FBXL7: variants seen among roughly 807,000 people sequenced by gnomAD.
FBXL7 encodes the protein F-box and leucine rich repeat protein 7.
A neutral mutation model predicts 38.3 loss-of-function variants in FBXL7; 12 were observed. The ratio of observed to expected loss-of-function variants is 0.31; its 90% CI spans 0.20 to 0.51. The LOEUF (loss-of-function observed/expected upper bound fraction) is 0.51. Among genes scored for constraint, FBXL7 ranks in the 20% least tolerant of loss-of-function variants. The probability of loss-of-function intolerance (pLI) is 0.98; values close to 1 mark genes in which losing one functional copy is unlikely to be tolerated. For missense variants in FBXL7, 567 were observed against 676.4 expected (o/e 0.84, Z 1.79); for synonymous variants, 297 against 300.9 (o/e 0.99, Z 0.13).
intron 2 of FBXL7, among the ~76,000 whole-genome samples, chr5:15,818,904 CCTAAATA>C (rs1738095015): frequency 1.3e-5 from 2 of 152,070 alleles, no homozygotes; most frequent in South Asian, 4.1e-4. Flanking sequence ...CCAATGGCCT[CCTAAATA>C]CTAAACTCCA....
chr5:15,542,197 TA>T (rs1236264946), intron 1 of FBXL7, among the ~76,000 whole-genome samples: 8 of 152,262 alleles, frequency 5.3e-5, no homozygotes, highest in Admixed American at 3.9e-4. Flanking sequence ...GTTTTTTTTT[TA>T]AATACCAATT....
chr5:15,820,968 G>T (rs1196768322), intron 2 of FBXL7, among the ~76,000 whole-genome samples: 1 of 152,130 alleles, frequency 6.6e-6, no homozygotes, highest in Admixed American at 6.6e-5. Context: ...GCAAATCCCA[G>T]TGTCATGGTC....
chr5:15,840,398 C>G (rs1738713422), intron 2 of FBXL7, among the ~76,000 whole-genome samples: 1 of 152,136 alleles, frequency 6.6e-6, no homozygotes, highest in African/African-American at 2.4e-5. Flanking sequence ...CTTAGCTTTA[C>G]TCTTTCATAT....
rs143700039 is a variant in FBXL7 at position 15,864,317 on chromosome 5, C to G, written c.128-63573C>G. 7.9e-3 allele frequency among the ~76,000 whole-genome samples: 1,203 copies of G among 152,238 alleles called. 7 individuals are homozygous for G. Among genetic ancestry groups the G allele is most frequent in the Non-Finnish European group, 0.014 (936 of 68,010 alleles). ...TGGACTAAGACACCATTTCTAGAAG[C>G]CCTGTCACTGATATTCTAGAGTTGT... is the stretch of plus-strand genomic sequence containing the variant. On this transcript the variant is annotated intron_variant, in intron 2 of 3. Coordinates refer to ENST00000504595, the MANE Select transcript of FBXL7 (RefSeq NM_012304.5).
At chr5:15,848,950 G>C (rs1006750852) in intron 2 of FBXL7, among the ~76,000 whole-genome samples, 1 of 152,126 alleles carries the variant, frequency 6.6e-6, no homozygotes, top group Admixed American at 6.5e-5. Flanking sequence ...CTGGATTATT[G>C]TCTCTTTTGG....
chr5:15,650,211 A>G (rs1366025801), intron 2 of FBXL7, among the ~76,000 whole-genome samples: 3 of 152,220 alleles, frequency 2.0e-5, no homozygotes, highest in Non-Finnish European at 4.4e-5. Context: ...TTGGTTCCAG[A>G]CCACCACAAT....
At chr5:15,580,524 A>T in intron 1 of FBXL7, 1 of 609,856 alleles carries the variant, frequency 1.6e-6, no homozygotes, top group Non-Finnish European at 2.1e-6. Context: ...ACAGAGTTTT[A>T]GTCTCTGTTC....
chr5:15,915,904 C>T lies in FBXL7; in HGVS notation c.128-11986C>T, dbSNP rs551995680. Among the ~76,000 whole-genome samples, 24 of 152,192 alleles carry T rather than the reference C, an allele frequency of 1.6e-4. No individual in the cohort carries two copies. The South Asian group carries it at 4.8e-3, about 30-fold the overall frequency. Reference sequence around the variant, plus strand: ...AGAGAAGGGAAACAGACGTGAAATCCATAGCCAGTCAAAGTGAGGGACTTG... The same window carrying T: ...AGAGAAGGGAAACAGACGTGAAATCTATAGCCAGTCAAAGTGAGGGACTTG... On this transcript the variant is annotated intron_variant, in intron 2 of 3. Coordinates refer to ENST00000504595, the MANE Select transcript of FBXL7 (RefSeq NM_012304.5).
At chr5:15,553,012 G>T (rs1307228558) in intron 1 of FBXL7, among the ~76,000 whole-genome samples, 1 of 151,882 alleles carries the variant, frequency 6.6e-6, no homozygotes, top group Non-Finnish European at 1.5e-5. Flanking sequence ...AACCCTGGAG[G>T]TGGAGGTTGC....
At chr5:15,591,688 G>A (rs992040700) in intron 1 of FBXL7, among the ~76,000 whole-genome samples, 1 of 151,794 alleles carries the variant, frequency 6.6e-6, no homozygotes, top group Non-Finnish European at 1.5e-5. Context: ...TGAAATTTGT[G>A]AGGAATAAGG....
At chr5:15,847,204 A>T (rs747200755) in intron 2 of FBXL7, among the ~76,000 whole-genome samples, 109 of 152,294 alleles carry the variant, frequency 7.2e-4, no homozygotes, top group Non-Finnish European at 9.3e-4. Context: ...TTTATAAAGG[A>T]AAGAGGTTTA....
rs911086440 is a variant in FBXL7, at chr5:15,800,823, A to G, written c.128-127067A>G. ...AGTTACCTCGGAAGTTCCTGCATCC[A>G]AACCTGAAGGTCAGACAGACCTTAC... On this transcript the variant is annotated intron_variant, in intron 2 of 3. Coordinates refer to ENST00000504595, the MANE Select transcript of FBXL7 (RefSeq NM_012304.5). Among the ~76,000 whole-genome samples the G allele has an allele frequency of 2.8e-4, 42 of 152,204 alleles. 1 individual carries two copies. Among genetic ancestry groups the G allele is most frequent in the Admixed American group, 2.7e-3 (42 of 15,274 alleles).
chr5:15,901,390 C>CT (rs1741230175), intron 2 of FBXL7, among the ~76,000 whole-genome samples: 3 of 152,276 alleles, frequency 2.0e-5, no homozygotes, highest in East Asian at 3.9e-4. Flanking sequence ...AGGTTCTGCC[C>CT]ACATGACCTA....
intron 2 of FBXL7, among the ~76,000 whole-genome samples, chr5:15,810,415 G>T (rs1240059404): frequency 1.3e-5 from 2 of 151,984 alleles, no homozygotes; most frequent in African/African-American, 4.8e-5. Flanking sequence ...ACAAAAACCA[G>T]CCAGGCGTGG....
At chr5:15,670,571 C>A (rs921678907) in intron 2 of FBXL7, among the ~76,000 whole-genome samples, 3 of 152,132 alleles carry the variant, frequency 2.0e-5, no homozygotes, top group Non-Finnish European at 4.4e-5. Flanking sequence ...GAGGATAAGG[C>A]AGGTGAATCA....
At chr5:15,762,646 C>G (rs1338983043) in intron 2 of FBXL7, among the ~76,000 whole-genome samples, 1 of 152,182 alleles carries the variant, frequency 6.6e-6, no homozygotes, top group African/African-American at 2.4e-5. Context: ...AAGCAATGCT[C>G]TCTCTTAGAG....
intron 2 of FBXL7, among the ~76,000 whole-genome samples, chr5:15,878,794 G>C (rs1740319471): frequency 1.3e-5 from 2 of 152,092 alleles, no homozygotes. Context: ...ATGCACTTAG[G>C]GTCTTCATAT....
intron 1 of FBXL7, among the ~76,000 whole-genome samples, chr5:15,600,000 A>G (rs968064971): frequency 2.6e-5 from 4 of 152,214 alleles, no homozygotes; most frequent in African/African-American, 7.2e-5. Context: ...CACATATTCA[A>G]TAAGAAGCTA....
chr5:15,840,345 T>G (rs79435611), intron 2 of FBXL7, among the ~76,000 whole-genome samples: 1 of 152,020 alleles, frequency 6.6e-6, no homozygotes, highest in Non-Finnish European at 1.5e-5. Context: ...CACCTGTTAG[T>G]AAAAACCCCT....
Sources: gnomAD v4.1 joint callset for allele counts (sites outside exome capture counted in the v4.1 genomes callset) on GRCh38, gnomAD v4.1.1 for gene constraint, MANE v1.5 for transcripts, NCBI Gene and HGNC (gene_info 2026-07-23, HGNC 2026-07-21) for gene names.